TCERG1: variants seen among roughly 807,000 people sequenced by gnomAD.
TCERG1 encodes TATA box binding protein (TBP)-associated factor, RNA polymerase II, S, 150kD.
A neutral mutation model predicts 144.7 loss-of-function variants in TCERG1; 37 were observed. The ratio of observed to expected loss-of-function variants is 0.26; its 90% CI spans 0.20 to 0.34. The LOEUF (loss-of-function observed/expected upper bound fraction) is 0.34. TCERG1 is among the 10% of genes least tolerant of loss of function. TCERG1 has a pLI of 1.00. For missense variants in TCERG1, 1,027 were observed against 1,380.7 expected (o/e 0.74, Z 4.06); for synonymous variants, 492 against 458.2 (o/e 1.07, Z -0.94).
chr5:146,501,550 A>G (rs1258051741), intron 17 of TCERG1, among the ~76,000 whole-genome samples: 6 of 152,230 alleles, frequency 3.9e-5, no homozygotes, highest in Non-Finnish European at 8.8e-5. Context: ...AAAGATTCCT[A>G]TTTGATATAA....
chr5:146,475,624 A>G (rs1764770438), intron 9 of TCERG1, among the ~76,000 whole-genome samples: 1 of 152,176 alleles, frequency 6.6e-6, no homozygotes, highest in Non-Finnish European at 1.5e-5. Context: ...GAAGGTTGCA[A>G]ATTTTTTTTG....
At chr5:146,463,411 A>G (rs1217089825) in intron 4 of TCERG1, 140 bp from the exon 5 acceptor site, 2 of 1,208,110 alleles carry the variant, frequency 1.7e-6, no homozygotes, top group East Asian at 2.4e-5. Flanking sequence ...CTTCTTGAAG[A>G]TAAGACCTTT....
At chr5:146,502,163 T>A (rs1450996848) in intron 17 of TCERG1, among the ~76,000 whole-genome samples, 2 of 152,198 alleles carry the variant, frequency 1.3e-5, no homozygotes, top group Non-Finnish European at 2.9e-5. Context: ...CCCAAACTGC[T>A]GGGATTACAG....
At chr5:146,489,461 T>C (rs761199696) in intron 15 of TCERG1, among the ~76,000 whole-genome samples, 1 of 152,194 alleles carries the variant, frequency 6.6e-6, no homozygotes, top group Admixed American at 6.5e-5. Flanking sequence ...TATGGTAATA[T>C]GTTACCAACA....
At chr5:146,450,218 T>A (rs916243242) in intron 1 of TCERG1, among the ~76,000 whole-genome samples, 3 of 152,210 alleles carry the variant, frequency 2.0e-5, no homozygotes, top group Admixed American at 2.0e-4. Context: ...TTAGGAATAA[T>A]GATCCTGAGA....
In TCERG1 at chr5:146,506,202, A is replaced by T. The variant is rs549658239; in HGVS notation, c.2782-826A>T. 3.3e-5 allele frequency among the ~76,000 whole-genome samples: 5 copies of T among 152,282 alleles called. No individual in the cohort carries two copies. In the South Asian group the frequency reaches 1.0e-3, roughly 32 times the overall value. ...TGCTTGGTAAGTGTTGGTTAAATAA[A>T]TGTTTTTGTATTTTTGTTTTCTTAC... On this transcript the variant is annotated intron_variant, in intron 19 of 22. Transcript: ENST00000679501.
intron 9 of TCERG1, among the ~76,000 whole-genome samples, chr5:146,475,781 G>C (rs2082402): frequency 0.038 from 5,708 of 152,160 alleles, 277 homozygotes; most frequent in African/African-American, 0.1. Context: ...TCATTAACTG[G>C]GATGCTTATA....
At chr5:146,496,219 C>T (rs1766888964) in intron 16 of TCERG1, among the ~76,000 whole-genome samples, 2 of 152,176 alleles carry the variant, frequency 1.3e-5, no homozygotes, top group Admixed American at 1.3e-4. Flanking sequence ...CTCATTAGCC[C>T]TCATAAGCCT....
rs1763129818 is a variant in TCERG1 at position 146,459,202 on chromosome 5, G to A, written c.757G>A (p.Ala253Thr). 1.2e-6 allele frequency: 2 copies of A among 1,614,248 alleles called. No individual in the cohort carries two copies. The highest frequency in any genetic ancestry group is 8.5e-7 in the Non-Finnish European group (1 of 1,180,050). The change falls in exon 4 of 23, where the codon GCA (alanine) becomes ACA (threonine). Residue 253 changes from alanine (A) to threonine (T), a missense_variant. Physicochemically the swap from Ala to Thr is moderately conservative, Grantham distance 58. This residue lies in a region of TCERG1 where 187 missense variants were observed against 169.1 expected (regional missense o/e 1.11). Transcript: ENST00000679501. ...VQAQVQAQVQAQAVGASTPTT... is the reference protein window; with the variant it reads ...VQAQVQAQVQTQAVGASTPTT... ...GGCCCAGGTCCAGGCACAAGTGCAA[G>A]CACAAGCAGTTGGAGCTTCCACCCC...
Position 146,458,979 on chromosome 5 carries a change from A to AGCCCAGGCACAGGTTCAGGCTCAG in TCERG1, c.543_566dup (p.Val183_Gln190dup). The AGCCCAGGCACAGGTTCAGGCTCAG allele has an allele frequency of 1.2e-6, 2 of 1,614,142 alleles. No individual in the cohort carries two copies. Among genetic ancestry groups the AGCCCAGGCACAGGTTCAGGCTCAG allele is most frequent in the Non-Finnish European group, 1.7e-6 (2 of 1,179,992 alleles). ...AATCAGAACTGACACCTATGCTTGC[A>AGCCCAGGCACAGGTTCAGGCTCAG]GCCCAGGCACAGGTTCAGGCTCAGG... On this transcript the variant is annotated inframe_insertion, in exon 4 of 23. Transcript: ENST00000679501.
At chr5:146,499,856 G>T (rs1395920837) in intron 17 of TCERG1, 1 of 151,998 alleles carries the variant, frequency 6.6e-6, no homozygotes, top group Non-Finnish European at 1.5e-5. Flanking sequence ...GTGCTGTGCG[G>T]CCTGTCAATC....
At chr5:146,508,989 T>A (rs1012023276) in intron 21 of TCERG1, among the ~76,000 whole-genome samples, 156 bp from the exon 22 acceptor site, 2 of 152,186 alleles carry the variant, frequency 1.3e-5, no homozygotes, top group Non-Finnish European at 2.9e-5. Context: ...TTAATGAATT[T>A]TATATATGAA....
chr5:146,470,777 A>G (rs1490304776), intron 8 of TCERG1, 29 bp downstream of exon 8: 2 of 1,515,456 alleles, frequency 1.3e-6, no homozygotes, highest in Admixed American at 4.1e-5. Context: ...TTAACCTGGG[A>G]GCCACATTAA....
chr5:146,464,863 A>G (rs1331122353), intron 5 of TCERG1, among the ~76,000 whole-genome samples: 1 of 152,106 alleles, frequency 6.6e-6, no homozygotes, highest in Admixed American at 6.5e-5. Flanking sequence ...TCACTATTGC[A>G]CTGGTTGTCT....
rs1029690932 is a variant in TCERG1, at chr5:146,511,815, T to A, written c.*1173T>A. ...ATGGTTTGCGCCTTTTTGGCATTCT[T>A]TCAACATGTCGTGTACATCACACCA... On this transcript the variant is annotated 3_prime_UTR_variant, in exon 23 of 23. Transcript: ENST00000679501. 1 of 152,220 alleles carries A rather than the reference T, an allele frequency of 6.6e-6. No homozygotes were observed. The highest frequency in any genetic ancestry group is 2.4e-5 in the African/African-American group (1 of 41,462). 9.4% of individuals were successfully genotyped at this position (152,220 alleles called of 1,614,324 possible). A position where few individuals can be genotyped will look rare whatever the true frequency, so the allele number is the denominator to read the frequency against.
intron 15 of TCERG1, among the ~76,000 whole-genome samples, chr5:146,487,906 T>C (rs1561683090): frequency 6.6e-6 from 1 of 152,008 alleles, no homozygotes; most frequent in Non-Finnish European, 1.5e-5. Context: ...AACAGACACA[T>C]AGACCAAAGG....
intron 19 of TCERG1, chr5:146,505,574 A>G (rs1385458227): frequency 6.6e-6 from 1 of 152,100 alleles, no homozygotes; most frequent in Non-Finnish European, 1.5e-5. Flanking sequence ...ACCTGATATG[A>G]TTTGGAAGTG....
At chr5:146,494,498 G>A (rs1406345952) in intron 16 of TCERG1, among the ~76,000 whole-genome samples, 3 of 152,108 alleles carry the variant, frequency 2.0e-5, no homozygotes, top group Non-Finnish European at 4.4e-5. Flanking sequence ...TAGAATTGTT[G>A]AAGTGATCTG....
intron 15 of TCERG1, among the ~76,000 whole-genome samples, chr5:146,492,167 G>T (rs1456002461): frequency 1.3e-5 from 2 of 152,032 alleles, no homozygotes; most frequent in Non-Finnish European, 2.9e-5. Flanking sequence ...TTTTAGCTAT[G>T]CCCCATCCTC....
Sources: allele counts gnomAD v4.1 joint callset (sites outside exome capture counted in the v4.1 genomes callset), GRCh38; gene constraint gnomAD v4.1.1; regional missense constraint gnomAD v4.1.1; transcripts MANE v1.5; gene names NCBI Gene and HGNC (gene_info 2026-07-23, HGNC 2026-07-21).